The following ANKRD30BL variants were observed in gnomAD, a reference collection of about 807,000 sequenced individuals.
ANKRD30BL encodes ankyrin repeat domain 30B like.
In ANKRD30BL, 20 loss-of-function variants were observed where a neutral mutation model predicts 18.4. That is an observed-to-expected ratio of 1.09 (90% CI 0.77 to 1.58). ANKRD30BL has a LOEUF of 1.58. ANKRD30BL is among the 40% of genes most tolerant of loss of function. ANKRD30BL has a pLI of 0.00. For synonymous variants in ANKRD30BL, 72 were observed against 100.9 expected, an observed-to-expected ratio of 0.71 and a Z score of 1.72; for missense variants, 224 against 268.6, an observed-to-expected ratio of 0.83 and a Z score of 1.16.
At chr2:132,254,326 C>T (rs76832469) in intron 1 of ANKRD30BL, among the ~76,000 whole-genome samples, 3 of 152,318 alleles carry the variant, frequency 2.0e-5, no homozygotes, top group Admixed American at 1.3e-4. Context: ...GCGGCGTCTC[C>T]GTGGCTTCGC....
chr2:132,219,280 C>A (rs955786590), intron 1 of ANKRD30BL, among the ~76,000 whole-genome samples: 8 of 150,558 alleles, frequency 5.3e-5, no homozygotes, highest in Admixed American at 2.6e-4. Flanking sequence ...GATATTTGGA[C>A]TGCTTACCAG....
intron 1 of ANKRD30BL, among the ~76,000 whole-genome samples, chr2:132,238,774 G>A (rs1573878299): frequency 1.3e-5 from 2 of 151,988 alleles, no homozygotes; most frequent in East Asian, 3.9e-4. Context: ...AGATTTCATT[G>A]GAAACGGGAA....
At chr2:132,164,534 G>A (rs1307602596), upstream of ANKRD30BL, among the ~76,000 whole-genome samples, 7 of 151,740 alleles carry the variant, frequency 4.6e-5, no homozygotes, top group African/African-American at 1.2e-4. Context: ...CAGGTGATCC[G>A]CCCACCTTGG....
chr2:132,251,056 T>C (rs1573896367), intron 1 of ANKRD30BL, among the ~76,000 whole-genome samples: 2 of 152,244 alleles, frequency 1.3e-5, no homozygotes, highest in Admixed American at 1.3e-4. Flanking sequence ...ATACAGACTA[T>C]TGAATATTTG....
upstream of ANKRD30BL, among the ~76,000 whole-genome samples, chr2:132,164,562 A>T (rs2104936482): frequency 1.3e-5 from 2 of 150,278 alleles, no homozygotes; most frequent in South Asian, 4.4e-4. Context: ...AAGTGCTGGG[A>T]TTACAGATGT....
chr2:132,161,405 AC>A, intron 1 of ANKRD30BL, 82 bp downstream of exon 1: 1 of 1,293,652 alleles, frequency 7.7e-7, no homozygotes, highest in Non-Finnish European at 1.1e-6. Flanking sequence ...CGTCCCCAGG[AC>A]CCCCAGGCCC....
At chr2:132,175,999 A>T (rs997012747) in intron 1 of ANKRD30BL, among the ~76,000 whole-genome samples, 1 of 152,232 alleles carries the variant, frequency 6.6e-6, no homozygotes, top group African/African-American at 2.4e-5. Flanking sequence ...TTTCCTTTCT[A>T]CATAGACACA....
At chr2:132,186,414 C>A (rs1430665565) in intron 1 of ANKRD30BL, among the ~76,000 whole-genome samples, 2 of 152,048 alleles carry the variant, frequency 1.3e-5, no homozygotes, top group African/African-American at 4.8e-5. Flanking sequence ...TTACTATATT[C>A]TAATAATTGT....
At chr2:132,206,273 T>C (rs1488436259) in intron 1 of ANKRD30BL, among the ~76,000 whole-genome samples, 1 of 152,176 alleles carries the variant, frequency 6.6e-6, no homozygotes, top group Non-Finnish European at 1.5e-5. Context: ...GGCTATAACT[T>C]GCTACGAATG....
At chr2:132,221,561 C>A (rs376136147) in intron 1 of ANKRD30BL, among the ~76,000 whole-genome samples, 1 of 126,298 alleles carries the variant, frequency 7.9e-6, no homozygotes, top group African/African-American at 3.4e-5. Context: ...GTCAGCCCCC[C>A]GCCCGGCCAG....
At chr2:132,148,520 C>T (rs1313152253) in intron 5 of ANKRD30BL, among the ~76,000 whole-genome samples, 1 of 151,658 alleles carries the variant, frequency 6.6e-6, no homozygotes, top group Non-Finnish European at 1.5e-5. Flanking sequence ...CATATGCATG[C>T]CACCCAGGCC....
chr2:132,201,770 G>A (rs1679103908), intron 1 of ANKRD30BL, among the ~76,000 whole-genome samples: 2 of 152,300 alleles, frequency 1.3e-5, no homozygotes, highest in Non-Finnish European at 2.9e-5. Context: ...AATACCATTT[G>A]ACCCAGCCAT....
At chr2:132,204,244 CT>C (rs1303155715) in intron 1 of ANKRD30BL, among the ~76,000 whole-genome samples, 1 of 151,790 alleles carries the variant, frequency 6.6e-6, no homozygotes. Flanking sequence ...ATAACCTGTT[CT>C]GGGTGTGGCT....
chr2:132,237,701 A>C (rs62166190), intron 1 of ANKRD30BL, among the ~76,000 whole-genome samples: 7 of 152,110 alleles, frequency 4.6e-5, no homozygotes, highest in African/African-American at 1.4e-4. Flanking sequence ...ATTCCTTTTC[A>C]TAGAGCAGTT....
chr2:132,243,703 C>T (rs1273021842), intron 1 of ANKRD30BL, among the ~76,000 whole-genome samples: 2 of 151,400 alleles, frequency 1.3e-5, no homozygotes, highest in African/African-American at 2.4e-5. Context: ...ATTTTGACTG[C>T]TTTGACGTTT....
chr2:132,250,088 C>T (rs1009903456), intron 1 of ANKRD30BL, among the ~76,000 whole-genome samples: 2 of 151,974 alleles, frequency 1.3e-5, no homozygotes, highest in African/African-American at 4.8e-5. Flanking sequence ...AATGGTTTAA[C>T]TCTGTGAGAT....
chr2:132,167,835 G>A lies in ANKRD30BL; in HGVS notation n.442-10689C>T, dbSNP rs187268152. ...ATAAAATTGTTACTTCACACGTAGT[G>A]TAGGTATCTCATAAAAATACTACCA... is the stretch of plus-strand genomic sequence containing the variant. On this transcript the variant is annotated intron_variant and non_coding_transcript_variant, in intron 1 of 4. Transcript: ENST00000470729. 4.3e-4 allele frequency among the ~76,000 whole-genome samples: 65 copies of A among 152,272 alleles called. 1 individual carries two copies. The highest frequency in any genetic ancestry group is 1.4e-3 in the African/African-American group (60 of 41,560).
At chr2:132,163,869 A>G (rs920602561), upstream of ANKRD30BL, among the ~76,000 whole-genome samples, 2 of 152,232 alleles carry the variant, frequency 1.3e-5, no homozygotes, top group Non-Finnish European at 2.9e-5. Flanking sequence ...TTCTGCTGGG[A>G]TATCATTGCT....
At chr2:132,195,262 G>C (rs1573830510) in intron 1 of ANKRD30BL, among the ~76,000 whole-genome samples, 4 of 152,254 alleles carry the variant, frequency 2.6e-5, no homozygotes, top group South Asian at 4.1e-4. Flanking sequence ...TGGTGAAGGA[G>C]GGTGAATTTT....
Sources: allele counts gnomAD v4.1 joint callset (sites outside exome capture counted in the v4.1 genomes callset), GRCh38; gene constraint gnomAD v4.1.1; transcripts MANE v1.5; gene names NCBI Gene and HGNC (gene_info 2026-07-23, HGNC 2026-07-21).